NRG1: variants seen among roughly 807,000 people sequenced by gnomAD.
NRG1 encodes the protein pro-neuregulin-1, membrane-bound isoform.
Under a neutral mutation model 63.8 loss-of-function variants are expected in NRG1, and 18 were observed. The ratio of observed to expected loss-of-function variants is 0.28; its 90% confidence interval spans 0.19 to 0.42. The LOEUF (loss-of-function observed/expected upper bound fraction) is 0.42. Among genes scored for constraint, NRG1 ranks in the 10% least tolerant of loss-of-function variants. The pLI is 1.00. For synonymous variants in NRG1, 302 were observed against 301.3 expected (o/e 1.00, Z -0.02); for missense variants, 762 against 814.7 (o/e 0.94, Z 0.79).
intron 1 of NRG1, among the ~76,000 whole-genome samples, chr8:32,143,434 C>T (rs1836517576): frequency 6.6e-6 from 1 of 152,178 alleles, no homozygotes; most frequent in Admixed American, 6.5e-5. Context: ...TGTTCTTCCC[C>T]AGACCATGAG....
At chr8:32,483,441 C>T (rs916676075) in intron 1 of NRG1, among the ~76,000 whole-genome samples, 3 of 152,174 alleles carry the variant, frequency 2.0e-5, no homozygotes, top group African/African-American at 4.8e-5. Flanking sequence ...TTTTCCTTCT[C>T]CCCCCATGAA....
chr8:32,569,365 T>G (rs1838079067), intron 1 of NRG1, among the ~76,000 whole-genome samples: 2 of 152,178 alleles, frequency 1.3e-5, no homozygotes, highest in African/African-American at 4.8e-5. Context: ...AGATGATTCT[T>G]GAAGTGTGTG....
intron 1 of NRG1, among the ~76,000 whole-genome samples, chr8:32,183,777 T>A (rs533838420): frequency 6.6e-6 from 1 of 152,234 alleles, no homozygotes; most frequent in East Asian, 1.9e-4. Flanking sequence ...AAGAAAACAC[T>A]CCTCCAGGTC....
chr8:32,181,829 A>C (rs944767468), intron 1 of NRG1, among the ~76,000 whole-genome samples: 1 of 152,140 alleles, frequency 6.6e-6, no homozygotes, highest in Admixed American at 6.5e-5. Flanking sequence ...AAGTATTTCT[A>C]TTTATAACTG....
intron 1 of NRG1, among the ~76,000 whole-genome samples, chr8:31,711,527 C>T (rs1811741978): frequency 6.6e-6 from 1 of 152,158 alleles, no homozygotes; most frequent in African/African-American, 2.4e-5. Flanking sequence ...GGGTTGTCTA[C>T]ACTGGGTTAG....
intron 1 of NRG1, among the ~76,000 whole-genome samples, chr8:32,515,596 A>C (rs13277678): frequency 0.17 from 25,569 of 151,960 alleles, 2,559 homozygotes; most frequent in Admixed American, 0.31. Context: ...ATGTGTGCCA[A>C]CACACCCAGC....
intron 5 of NRG1, among the ~76,000 whole-genome samples, chr8:32,646,351 T>C (rs1250194335): frequency 1.3e-5 from 2 of 152,122 alleles, no homozygotes; most frequent in African/African-American, 4.8e-5. Context: ...AGGAAAAAAA[T>C]GTTCAAACTG....
At chr8:31,885,422 GA>G (rs935264570) in intron 1 of NRG1, among the ~76,000 whole-genome samples, 3 of 150,960 alleles carry the variant, frequency 2.0e-5, no homozygotes, top group South Asian at 2.1e-4. Flanking sequence ...ACTGTTGAAA[GA>G]AAAAAAAATG....
chr8:31,886,965 C>T (rs1435947519), intron 1 of NRG1, among the ~76,000 whole-genome samples: 4 of 152,084 alleles, frequency 2.6e-5, no homozygotes, highest in Non-Finnish European at 4.4e-5. Flanking sequence ...GCTTAACATT[C>T]TCTCTGATGG....
At chr8:32,639,744 G>A (rs1366646723) in intron 5 of NRG1, among the ~76,000 whole-genome samples, 1 of 152,140 alleles carries the variant, frequency 6.6e-6, no homozygotes, top group Non-Finnish European at 1.5e-5. Context: ...GGGTTGATTG[G>A]GGGACCAGTT....
intron 1 of NRG1, among the ~76,000 whole-genome samples, chr8:32,021,588 C>A (rs534133908): frequency 3.0e-4 from 45 of 152,160 alleles, no homozygotes; most frequent in African/African-American, 9.4e-4. Context: ...GAGAACAAAC[C>A]AACCATATTC....
At chr8:32,346,869 G>T (rs1403682518) in intron 1 of NRG1, among the ~76,000 whole-genome samples, 17 of 147,106 alleles carry the variant, frequency 1.2e-4, no homozygotes, top group Non-Finnish European at 2.2e-4. Flanking sequence ...TTGCTCTGTT[G>T]CCCAGGCTGG....
intron 1 of NRG1, among the ~76,000 whole-genome samples, chr8:32,473,003 T>C (rs957651952): frequency 3.3e-5 from 5 of 152,316 alleles, no homozygotes; most frequent in East Asian, 1.9e-4. Context: ...GAATGACAAA[T>C]GGGTAGGGGA....
At chr8:32,517,207 CT>C in intron 1 of NRG1, among the ~76,000 whole-genome samples, 1 of 152,206 alleles carries the variant, frequency 6.6e-6, no homozygotes, top group South Asian at 2.1e-4. Context: ...GTCCTCTTTT[CT>C]TTTTATAAAA....
At chr8:31,908,417 G>T (rs1265905953) in intron 1 of NRG1, among the ~76,000 whole-genome samples, 1 of 152,176 alleles carries the variant, frequency 6.6e-6, no homozygotes, top group East Asian at 1.9e-4. Flanking sequence ...CATTTGTATG[G>T]AGAGGTAACA....
At chr8:32,196,829 ATTATTCTATTTC>A (rs1196918520) in intron 1 of NRG1, among the ~76,000 whole-genome samples, 1 of 149,372 alleles carries the variant, frequency 6.7e-6, no homozygotes, top group Non-Finnish European at 1.5e-5. Flanking sequence ...CTAGCATGAT[ATTATTCTATTTC>A]ATCTTTTTTT....
At chr8:31,966,659 C>T (rs1333942289) in intron 1 of NRG1, among the ~76,000 whole-genome samples, 2 of 152,190 alleles carry the variant, frequency 1.3e-5, no homozygotes, top group African/African-American at 2.4e-5. Context: ...AAGATTCCCT[C>T]AGCCAATTCC....
At chr8:31,927,697 C>T (rs1437128713) in intron 1 of NRG1, among the ~76,000 whole-genome samples, 1 of 149,844 alleles carries the variant, frequency 6.7e-6, no homozygotes, top group Non-Finnish European at 1.5e-5. Context: ...ATCCGCCCGC[C>T]TCGGCCTCCC....
At chr8:32,531,585 T>C (rs1308764305) in intron 1 of NRG1, among the ~76,000 whole-genome samples, 2 of 152,252 alleles carry the variant, frequency 1.3e-5, no homozygotes, top group East Asian at 3.9e-4. Context: ...TTTTAAAAAG[T>C]TATTGTGGCA....
Sources: allele counts gnomAD v4.1 joint callset (sites outside exome capture counted in the v4.1 genomes callset), GRCh38; gene constraint gnomAD v4.1.1; transcripts MANE v1.5; gene names NCBI Gene and HGNC (gene_info 2026-07-23, HGNC 2026-07-21).